The following ISM1 variants were observed in gnomAD, a reference collection of about 807,000 sequenced individuals.
The protein encoded by ISM1 is isthmin 1.
A neutral mutation model predicts 46.3 loss-of-function variants in ISM1; 25 were observed. The observed-to-expected ratio is 0.54, with a 90% CI of 0.39 to 0.75. The LOEUF (loss-of-function observed/expected upper bound fraction) is 0.75, where lower values mean the gene tolerates loss of function less well. Ranked by LOEUF, ISM1 falls within the 30% of genes least tolerant of loss-of-function variation. The pLI, the probability that ISM1 is intolerant of heterozygous loss-of-function variation, is 0.00. For missense variants in ISM1, 536 were observed against 625.4 expected (o/e 0.86, Z 1.52); for synonymous variants, 255 against 256.7 (o/e 0.99, Z 0.06).
chr20:13,305,066 A>T (rs569917482), downstream of ISM1, among the ~76,000 whole-genome samples: 27 of 152,146 alleles, frequency 1.8e-4, no homozygotes, highest in Non-Finnish European at 1.5e-5. Flanking sequence ...ACATAGTATT[A>T]TTTGAATAGC....
At chr20:13,252,161 C>G (rs1288625166) in intron 1 of ISM1, among the ~76,000 whole-genome samples, 1 of 152,160 alleles carries the variant, frequency 6.6e-6, no homozygotes, top group East Asian at 1.9e-4. Context: ...TCCCTCAGGC[C>G]TCTTTTCTGG....
At chr20:13,269,407 G>A (rs547081185) in intron 1 of ISM1, among the ~76,000 whole-genome samples, 2 of 152,342 alleles carry the variant, frequency 1.3e-5, no homozygotes, top group African/African-American at 4.8e-5. Context: ...CAGTGGGCTT[G>A]CACTTTTCAG....
At chr20:13,256,863 G>A (rs1055727151) in intron 1 of ISM1, among the ~76,000 whole-genome samples, 2 of 152,266 alleles carry the variant, frequency 1.3e-5, no homozygotes, top group Non-Finnish European at 2.9e-5. Flanking sequence ...GAAGTGATAC[G>A]TAAAAGTGTT....
chr20:13,309,658 T>A, the ISM1 span, among the ~76,000 whole-genome samples: 516 of 152,328 alleles, frequency 3.4e-3, 5 homozygotes, highest in African/African-American at 0.012. Context: ...AGTGAATTTA[T>A]CTCTGTTTGC....
chr20:13,240,206 G>T (rs1326990448), intron 1 of ISM1, among the ~76,000 whole-genome samples: 2 of 152,330 alleles, frequency 1.3e-5, no homozygotes, highest in Non-Finnish European at 2.9e-5. Context: ...CTAGGCACTG[G>T]AGATTCAATA....
At chr20:13,277,014 G>A (rs549157674) in intron 2 of ISM1, among the ~76,000 whole-genome samples, 1 of 152,198 alleles carries the variant, frequency 6.6e-6, no homozygotes, top group African/African-American at 2.4e-5. Flanking sequence ...AGCAATTAAG[G>A]GGAAAAATAA....
At chr20:13,224,655 A>T (rs1278129961) in intron 1 of ISM1, among the ~76,000 whole-genome samples, 18 of 151,824 alleles carry the variant, frequency 1.2e-4, no homozygotes, top group Admixed American at 1.2e-3. Flanking sequence ...TGCAATGGTG[A>T]GTTTATTTAC....
chr20:13,237,574 C>A (rs1425420572), intron 1 of ISM1, among the ~76,000 whole-genome samples: 1 of 152,040 alleles, frequency 6.6e-6, no homozygotes, highest in Non-Finnish European at 1.5e-5. Flanking sequence ...AAAAGGGAGT[C>A]CAAGGAGGGC....
At chr20:13,315,136 AAAC>A in the ISM1 span, among the ~76,000 whole-genome samples, 1 of 152,112 alleles carries the variant, frequency 6.6e-6, no homozygotes, top group African/African-American at 2.4e-5. Flanking sequence ...AAACAGCAAA[AAAC>A]AACAAGGACA....
At chr20:13,256,815 A>G (rs1322062602) in intron 1 of ISM1, among the ~76,000 whole-genome samples, 1 of 152,188 alleles carries the variant, frequency 6.6e-6, no homozygotes, top group African/African-American at 2.4e-5. Flanking sequence ...GATGATAATT[A>G]TATCCACCCA....
chr20:13,263,631 C>T (rs112732251), intron 1 of ISM1, among the ~76,000 whole-genome samples: 4 of 152,234 alleles, frequency 2.6e-5, no homozygotes, highest in African/African-American at 7.2e-5. Context: ...CAGACAAAAT[C>T]GATGCTCGGC....
chr20:13,307,714 T>C, the ISM1 span, among the ~76,000 whole-genome samples: 3 of 152,222 alleles, frequency 2.0e-5, no homozygotes, highest in African/African-American at 7.2e-5. Context: ...GTCTGGCATA[T>C]TTTGCTCAAT....
intron 1 of ISM1, among the ~76,000 whole-genome samples, chr20:13,233,764 C>T (rs1022637648): frequency 1.3e-5 from 2 of 152,146 alleles, no homozygotes; most frequent in African/African-American, 4.8e-5. Flanking sequence ...CCTTCTCTTA[C>T]ACATAAGGTA....
chr20:13,228,437 C>T (rs1454488783), intron 1 of ISM1, among the ~76,000 whole-genome samples: 1 of 152,122 alleles, frequency 6.6e-6, no homozygotes, highest in East Asian at 1.9e-4. Context: ...TGGCAGTTGG[C>T]TGTCTTCTAT....
rs757668087 is a variant in ISM1 at position 13,292,421 on chromosome 20, G to A, written c.835G>A (p.Ala279Thr). ...AGCTGCCACCGAAGTGAGTCTGCTT[G>A]CGGGAAGCGAGGAGTTTAATGCCAC... The part of the protein sequence containing the change: ...RTAATEVSLL[A>T]GSEEFNATKL... The change falls in exon 5 of 6, where the codon GCG (alanine) becomes ACG (threonine). Residue 279 changes from alanine to threonine, a missense_variant. Coordinates refer to ENST00000262487, the MANE Select transcript of ISM1 (RefSeq NM_080826.2). 3 of 1,606,954 alleles carry A rather than the reference G, an allele frequency of 1.9e-6. No individual in the cohort carries two copies. Among genetic ancestry groups the A allele is most frequent in the Non-Finnish European group, 1.7e-6 (2 of 1,176,520 alleles).
At chr20:13,323,709 T>C in the ISM1 span, among the ~76,000 whole-genome samples, 2 of 152,212 alleles carry the variant, frequency 1.3e-5, no homozygotes, top group Admixed American at 6.5e-5. Context: ...CCAGAGTTAA[T>C]TACTAAAAGA....
intron 1 of ISM1, among the ~76,000 whole-genome samples, chr20:13,260,280 T>C (rs1441481513): frequency 6.6e-6 from 1 of 152,186 alleles, no homozygotes; most frequent in African/African-American, 2.4e-5. Context: ...TACTAGTTTC[T>C]AGTAGCACAC....
intron 2 of ISM1, among the ~76,000 whole-genome samples, chr20:13,274,808 T>C (rs2040159434): frequency 6.6e-6 from 1 of 152,208 alleles, no homozygotes; most frequent in Admixed American, 6.5e-5. Flanking sequence ...CAGACAATTC[T>C]ATTTTAAGAC....
At chr20:13,292,255 T>C in intron 4 of ISM1, 119 bp from the exon 5 acceptor site, 1 of 646,312 alleles carries the variant, frequency 1.5e-6, no homozygotes, top group Non-Finnish European at 2.7e-6. Context: ...TTTCTGCCCG[T>C]GAGTAGTAAT....
Sources: gnomAD v4.1 joint callset for allele counts (sites outside exome capture counted in the v4.1 genomes callset) on GRCh38, gnomAD v4.1.1 for gene constraint, MANE v1.5 for transcripts, NCBI Gene and HGNC (gene_info 2026-07-23, HGNC 2026-07-21) for gene names.